HSD17B3: variants seen among roughly 807,000 people sequenced by gnomAD.
HSD17B3 encodes hydroxysteroid 17-beta dehydrogenase 3, also known as 17-beta-hydroxysteroid dehydrogenase type 3.
A neutral mutation model predicts 41.1 loss-of-function variants in HSD17B3; 29 were observed. That is an observed-to-expected ratio of 0.71 (90% CI 0.53 to 0.96). HSD17B3 has a LOEUF of 0.96. Among genes scored for constraint, HSD17B3 ranks in the 40% least tolerant of loss-of-function variants. HSD17B3 has a pLI of 0.00. For missense variants in HSD17B3, 323 were observed against 374.6 expected (o/e 0.86, Z 1.14); for synonymous variants, 126 against 145.6 (o/e 0.87, Z 0.97).
At chr9:96,237,482 C>T (rs556987704) in intron 10 of HSD17B3, among the ~76,000 whole-genome samples, 1 of 152,344 alleles carries the variant, frequency 6.6e-6, no homozygotes, top group African/African-American at 2.4e-5. Flanking sequence ...AGTGAGGCAA[C>T]ATGCATGAAG....
In HSD17B3 at chr9:96,249,771, T is replaced by C. The variant is rs779419888; in HGVS notation, c.469A>G (p.Asn157Asp). The change falls in exon 6 of 11, where the codon AAC becomes GAC. Residue 157 changes from asparagine to aspartate, a missense_variant. Coordinates refer to ENST00000375263, the MANE Select transcript of HSD17B3 (RefSeq NM_000197.2). ...PDEIQSLIHC[N>D]ITSVVKMTQL... ...CATACCTTGACTACGGAGGTGATGT[T>C]ACAATGGATGAGGCTCTGTAATAAA... 6.2e-7 allele frequency: 1 copy of C among 1,614,112 alleles called. No homozygotes were observed. The highest frequency in any genetic ancestry group is 1.1e-5 in the South Asian group (1 of 91,086).
chr9:96,242,997 C>G (rs1016432674), intron 9 of HSD17B3, among the ~76,000 whole-genome samples: 8 of 152,152 alleles, frequency 5.3e-5, no homozygotes, highest in Non-Finnish European at 1.2e-4. Context: ...TGGGCCAGAG[C>G]ATTTCATTGT....
rs546965592 is a variant in HSD17B3, at chr9:96,298,619, A to G, written c.155-157T>C. Reference sequence around the variant, plus strand: ...GCCCACGCCCTTGAAGCCCCTCACTAAACATTCAGGTGAAAGGATTGTTTG... The same window carrying G: ...GCCCACGCCCTTGAAGCCCCTCACTGAACATTCAGGTGAAAGGATTGTTTG... On this transcript the variant is annotated intron_variant, in intron 1 of 10. Transcript: ENST00000375263. 1.4e-4 allele frequency among the ~76,000 whole-genome samples: 22 copies of G among 152,236 alleles called. 1 individual carries two copies. The South Asian group carries it at 4.1e-3, about 29-fold the overall frequency.
Position 96,250,463 on chromosome 9 carries a change from G to A in HSD17B3, c.454-677C>T, listed in dbSNP as rs1455870309. ...TATCACCCGGTGCAGCAGACTCGGG[G>A]CTTACACAGGACGATGGGATACCTG... On this transcript the variant is annotated intron_variant, in intron 5 of 10. Coordinates refer to ENST00000375263, the MANE Select transcript of HSD17B3 (RefSeq NM_000197.2). 9 of 1,062,722 alleles carry A rather than the reference G, an allele frequency of 8.5e-6. No homozygotes were observed. In the African/African-American group the frequency reaches 1.3e-4, roughly 16 times the overall value. 65.8% of individuals were successfully genotyped at this position (1,062,722 alleles called of 1,614,324 possible).
chr9:96,240,977 TC>T, intron 9 of HSD17B3, 70 bp from the exon 10 acceptor site: 2 of 1,579,086 alleles, frequency 1.3e-6, no homozygotes, highest in Non-Finnish European at 1.7e-6. Flanking sequence ...AAATTAACAC[TC>T]AAGCCCCCAT....
At chr9:96,256,330 T>C (rs543047867) in intron 2 of HSD17B3, 3 of 152,152 alleles carry the variant, frequency 2.0e-5, no homozygotes, top group African/African-American at 7.2e-5. Flanking sequence ...TACACTGTTA[T>C]TTTAAAAAGT....
rs1836199259 is a variant in HSD17B3 at position 96,235,508 on chromosome 9, G to A, written c.885C>T (p.Leu295=). 1 of 1,614,136 alleles carries A rather than the reference G, an allele frequency of 6.2e-7. No homozygotes were observed. Among genetic ancestry groups the A allele is most frequent in the Non-Finnish European group, 8.5e-7 (1 of 1,180,030 alleles). The change falls in exon 11 of 11, where the codon CTC becomes CTT. Residue 295 remains leucine (L), a synonymous_variant. Coordinates refer to ENST00000375263, the MANE Select transcript of HSD17B3 (RefSeq NM_000197.2). ...TCAGGTATGCCACATAGTGTGTCAG[G>A]AGCAGCCTTTGGAAGGCACCGCTGT... The part of the protein sequence containing the change: ...AFYSGAFQRL[L]LTHYVAYLKL...
At chr9:96,298,664 G>A (rs1587798995) in intron 1 of HSD17B3, among the ~76,000 whole-genome samples, 1 of 152,044 alleles carries the variant, frequency 6.6e-6, no homozygotes, top group East Asian at 1.9e-4. Flanking sequence ...TGGGTTGGTT[G>A]GTTGGTTGGT....
At chr9:96,300,983 C>T (rs189081096) in intron 1 of HSD17B3, among the ~76,000 whole-genome samples, 2 of 152,288 alleles carry the variant, frequency 1.3e-5, no homozygotes, top group East Asian at 3.9e-4. Flanking sequence ...AAAGTGAAAG[C>T]ACCCTGGGCT....
At chr9:96,250,569 G>T (rs372801918) in intron 5 of HSD17B3, 23 of 722,604 alleles carry the variant, frequency 3.2e-5, no homozygotes, top group African/African-American at 3.8e-5. Flanking sequence ...CCTAAGAAAG[G>T]GTCAACAAAT....
intron 2 of HSD17B3, among the ~76,000 whole-genome samples, chr9:96,275,128 CA>C: frequency 6.6e-6 from 1 of 151,892 alleles, no homozygotes; most frequent in Non-Finnish European, 1.5e-5. Context: ...ATACTATACC[CA>C]GCACAATTAT....
chr9:96,301,548 T>C (rs1255182386), intron 1 of HSD17B3, among the ~76,000 whole-genome samples: 1 of 150,710 alleles, frequency 6.6e-6, no homozygotes, highest in East Asian at 2.0e-4. Flanking sequence ...CTGTCTCTAC[T>C]AAAATACAAA....
At chr9:96,298,074 T>C (rs999111475) in intron 2 of HSD17B3, among the ~76,000 whole-genome samples, 1 of 152,208 alleles carries the variant, frequency 6.6e-6, no homozygotes, top group Non-Finnish European at 1.5e-5. Context: ...TGCCCTAGCT[T>C]AATGTAAATA....
chr9:96,288,291 T>A (rs1292506857), intron 2 of HSD17B3, among the ~76,000 whole-genome samples: 1 of 152,248 alleles, frequency 6.6e-6, no homozygotes, highest in African/African-American at 2.4e-5. Context: ...CTCAAAAAGC[T>A]GTTCAAGATT....
chr9:96,250,595 T>C, intron 5 of HSD17B3: 1 of 491,184 alleles, frequency 2.0e-6, no homozygotes. Context: ...CTTCAAAAAC[T>C]GTTAAATGCG....
At chr9:96,260,809 C>A (rs1386573523) in intron 2 of HSD17B3, among the ~76,000 whole-genome samples, 1 of 152,072 alleles carries the variant, frequency 6.6e-6, no homozygotes. Flanking sequence ...AAGAGAGTAG[C>A]AACTAAGAGG....
At chr9:96,299,692 T>C (rs1457029446) in intron 1 of HSD17B3, among the ~76,000 whole-genome samples, 1 of 152,144 alleles carries the variant, frequency 6.6e-6, no homozygotes, top group African/African-American at 2.4e-5. Context: ...AAGGTCACAC[T>C]GCTAAAAATG....
At chr9:96,295,614 C>G (rs745492456) in intron 2 of HSD17B3, among the ~76,000 whole-genome samples, 96 of 152,056 alleles carry the variant, frequency 6.3e-4, no homozygotes, top group Non-Finnish European at 1.2e-3. Flanking sequence ...GGATTACAGG[C>G]GTGAGCCACT....
rs780383819 is a variant in HSD17B3, at chr9:96,251,442, G to A, written c.429C>T (p.Phe143=). The A allele has an allele frequency of 6.8e-6, 11 of 1,614,048 alleles. No homozygotes were observed. The highest frequency in any genetic ancestry group is 3.3e-4 in the Middle Eastern group (2 of 6,084). The change falls in exon 5 of 11, where the codon TTC becomes TTT. Residue 143 remains phenylalanine, a synonymous_variant. Coordinates refer to ENST00000375263, the MANE Select transcript of HSD17B3 (RefSeq NM_000197.2). ...CCTGGATTTCATCCGGTGCGTTCAG[G>A]AAATGGCTTGGGAGAAGGTTTGGAA... ...GMLPNLLPSH[F]LNAPDEIQSL...
Sources: gnomAD v4.1 joint callset for allele counts (sites outside exome capture counted in the v4.1 genomes callset) on GRCh38, gnomAD v4.1.1 for gene constraint, MANE v1.5 for transcripts, NCBI Gene and HGNC (gene_info 2026-07-23, HGNC 2026-07-21) for gene names.